SCN1A: variants seen among roughly 807,000 people sequenced by gnomAD.
The protein encoded by SCN1A is sodium voltage-gated channel alpha subunit 1.
Under a neutral mutation model 193.7 loss-of-function variants are expected in SCN1A, and 13 were observed. The observed-to-expected ratio is 0.07, with a 90% CI of 0.04 to 0.11. SCN1A has a LOEUF of 0.11. Ranked by LOEUF, SCN1A falls within the 10% of genes least tolerant of loss-of-function variation. The pLI is 1.00. For synonymous variants in SCN1A, 781 were observed against 843.6 expected, an observed-to-expected ratio of 0.93 and a Z score of 1.29; for missense variants, 1,432 against 2,451.1, an observed-to-expected ratio of 0.58 and a Z score of 8.78.
intron 2 of SCN1A, among the ~76,000 whole-genome samples, chr2:166,088,152 C>T (rs1686354456): frequency 6.6e-6 from 1 of 152,110 alleles, no homozygotes; most frequent in African/African-American, 2.4e-5. Context: ...TGGTCAACCA[C>T]CCATCACATC....
rs565284762 is a variant in SCN1A at position 166,088,079 on chromosome 2, TG to T, written c.-141-10279del. Among the ~76,000 whole-genome samples the T allele has an allele frequency of 7.6e-3, 1,157 of 152,054 alleles. 14 individuals are homozygous for T. The highest frequency in any genetic ancestry group is 0.026 in the African/African-American group (1,098 of 41,456). On this transcript the variant is annotated intron_variant, in intron 2 of 28. Transcript: ENST00000674923. ...GTTTGTGTGTGTGTGTGTGTGTGTGTGTGTGTAAGGGTATGAGCTACAACAC... is the reference window on the plus strand; with the variant it reads ...GTTTGTGTGTGTGTGTGTGTGTGTGTTGTGTAAGGGTATGAGCTACAACAC...
At chr2:166,025,425 C>G (rs567031973) in intron 19 of SCN1A, among the ~76,000 whole-genome samples, 63 of 152,230 alleles carry the variant, frequency 4.1e-4, no homozygotes, top group Non-Finnish European at 6.8e-4. Flanking sequence ...TTTTCTAGGC[C>G]AGGCAGAGCA....
chr2:166,118,576 C>A (rs532493282), intron 2 of SCN1A, among the ~76,000 whole-genome samples: 2 of 152,012 alleles, frequency 1.3e-5, no homozygotes, highest in East Asian at 3.9e-4. Flanking sequence ...TGACACCGGA[C>A]TGTTTTCTCC....
chr2:166,115,821 A>C (rs1689792408), intron 2 of SCN1A, among the ~76,000 whole-genome samples: 1 of 152,212 alleles, frequency 6.6e-6, no homozygotes. Flanking sequence ...ACCATATTGC[A>C]AAGAAGGTAC....
chr2:166,133,960 G>A (rs1691759888), intron 1 of SCN1A: 2 of 152,090 alleles, frequency 1.3e-5, no homozygotes, highest in Admixed American at 1.3e-4. Flanking sequence ...CATATCCCAA[G>A]TCTGTGGTAG....
In SCN1A at chr2:166,001,445, G is replaced by A. The variant is rs1690823086; in HGVS notation, c.4284+1027C>T. ...ACACCTCTGGAAGAGCTGCAAAAGGGTTTTGACCAGTGTTGGTTTGTTTGC... is the reference window on the plus strand; with the variant it reads ...ACACCTCTGGAAGAGCTGCAAAAGGATTTTGACCAGTGTTGGTTTGTTTGC... On this transcript the variant is annotated intron_variant, in intron 24 of 28. Coordinates refer to ENST00000674923, the MANE Select transcript of SCN1A (RefSeq NM_001165963.4). Among the ~76,000 whole-genome samples, 3 of 151,794 alleles carry A rather than the reference G, an allele frequency of 2.0e-5. No homozygotes were observed. In the South Asian group the frequency reaches 6.2e-4, roughly 31 times the overall value.
intron 26 of SCN1A, among the ~76,000 whole-genome samples, chr2:165,997,576 A>C (rs1690249916): frequency 6.6e-6 from 1 of 151,346 alleles, no homozygotes; most frequent in African/African-American, 2.4e-5. Flanking sequence ...GGAATATATA[A>C]AAGAAATCAA....
intron 4 of SCN1A, among the ~76,000 whole-genome samples, chr2:166,059,042 C>T (rs1683001107): frequency 6.6e-6 from 1 of 152,096 alleles, no homozygotes; most frequent in Non-Finnish European, 1.5e-5. Flanking sequence ...TAAGGCACTA[C>T]ATGCTTTTTA....
At chr2:166,082,448 T>G (rs1685631663) in intron 2 of SCN1A, among the ~76,000 whole-genome samples, 1 of 151,460 alleles carries the variant, frequency 6.6e-6, no homozygotes, top group South Asian at 2.1e-4. Flanking sequence ...TTATCTACTC[T>G]AATTGATCTA....
chr2:165,997,975 G>A, intron 26 of SCN1A, 63 bp downstream of exon 26: 1 of 1,370,014 alleles, frequency 7.3e-7, no homozygotes, highest in Non-Finnish European at 1.0e-6. Context: ...TCATTTGGCA[G>A]AGAAAACACT....
intron 25 of SCN1A, among the ~76,000 whole-genome samples, chr2:165,999,268 G>A (rs1467212446): frequency 2.0e-5 from 3 of 151,342 alleles, no homozygotes; most frequent in Non-Finnish European, 4.4e-5. Context: ...TTTAAAATAG[G>A]ATTATTTGAA....
intron 1 of SCN1A, chr2:166,137,782 A>T (rs1414670800): frequency 1.3e-5 from 2 of 152,788 alleles, no homozygotes; most frequent in African/African-American, 4.8e-5. Context: ...GCCACTTTGG[A>T]ACTGGGTAAC....
intron 1 of SCN1A, among the ~76,000 whole-genome samples, chr2:166,145,199 G>A (rs185471563): frequency 1.1e-3 from 142 of 134,676 alleles, no homozygotes; most frequent in Non-Finnish European, 1.6e-3. Flanking sequence ...TCGCTCTGTC[G>A]TCCAGGCTGG....
At chr2:166,078,861 A>C (rs1685223221) in intron 2 of SCN1A, among the ~76,000 whole-genome samples, 1 of 151,702 alleles carries the variant, frequency 6.6e-6, no homozygotes, top group Non-Finnish European at 1.5e-5. Context: ...CAAAGTCCTC[A>C]CTGATGCAAG....
At chr2:166,138,611 C>T (rs113881910) in intron 1 of SCN1A, among the ~76,000 whole-genome samples, 4,023 of 152,282 alleles carry the variant, frequency 0.026, 173 homozygotes, top group African/African-American at 0.091. Context: ...TGTATGGAAA[C>T]GCCTGGATGC....
chr2:166,040,716 A>G (rs1531379), intron 16 of SCN1A, among the ~76,000 whole-genome samples: 111,638 of 151,536 alleles, frequency 0.74, 41,497 homozygotes, highest in East Asian at 0.89. Context: ...TTGTAATCAT[A>G]TAACACACAA....
intron 1 of SCN1A, among the ~76,000 whole-genome samples, chr2:166,145,524 A>G (rs1692285957): frequency 1.5e-5 from 1 of 65,464 alleles, no homozygotes; most frequent in Non-Finnish European, 2.7e-5. Context: ...TGTTGGAGAA[A>G]AATTTGTGTG....
At chr2:166,102,589 A>G (rs557934962) in intron 2 of SCN1A, among the ~76,000 whole-genome samples, 3 of 152,008 alleles carry the variant, frequency 2.0e-5, no homozygotes, top group African/African-American at 7.2e-5. Context: ...ACACTTATAC[A>G]CTGGTGGTGA....
intron 1 of SCN1A, among the ~76,000 whole-genome samples, chr2:166,146,948 A>T (rs114770681): frequency 6.6e-6 from 1 of 152,240 alleles, no homozygotes; most frequent in Non-Finnish European, 1.5e-5. Context: ...GACAATATGT[A>T]TTTAACTATA....
Sources: gnomAD v4.1 joint callset for allele counts (sites outside exome capture counted in the v4.1 genomes callset) on GRCh38, gnomAD v4.1.1 for gene constraint, MANE v1.5 for transcripts, NCBI Gene and HGNC (gene_info 2026-07-23, HGNC 2026-07-21) for gene names.